Variants in FSTL4 observed in about 807,000 individuals in gnomAD.
FSTL4 encodes follistatin-related protein 4.
FSTL4 carries 28 observed loss-of-function variants against 78.2 expected under a neutral mutation model. The ratio of observed to expected loss-of-function variants is 0.36; its 90% CI spans 0.27 to 0.49. The LOEUF (loss-of-function observed/expected upper bound fraction) is 0.49. Ranked by LOEUF, FSTL4 falls within the 20% of genes least tolerant of loss-of-function variation. The pLI is 0.98. For synonymous variants in FSTL4, 422 were observed against 440.5 expected (o/e 0.96, Z 0.53); for missense variants, 922 against 1,084.9 (o/e 0.85, Z 2.11).
intron 7 of FSTL4, among the ~76,000 whole-genome samples, chr5:133,241,646 C>A (rs1246776817): frequency 1.3e-5 from 2 of 152,160 alleles, no homozygotes; most frequent in African/African-American, 4.8e-5. Flanking sequence ...GCTTTGGCTC[C>A]TTGGCTAATT....
the FSTL4 span, among the ~76,000 whole-genome samples, chr5:133,698,625 G>A: frequency 6.6e-6 from 1 of 152,262 alleles, no homozygotes; most frequent in Non-Finnish European, 1.5e-5. Flanking sequence ...TATTACAAGT[G>A]ATAATGCGTG....
At chr5:133,821,365 G>A in the FSTL4 span, among the ~76,000 whole-genome samples, 2 of 152,226 alleles carry the variant, frequency 1.3e-5, no homozygotes, top group African/African-American at 4.8e-5. Flanking sequence ...TAGCAGGAGG[G>A]AGAATGAAGA....
chr5:133,384,020 T>C (rs1554110006), intron 4 of FSTL4, among the ~76,000 whole-genome samples: 1 of 152,208 alleles, frequency 6.6e-6, no homozygotes, highest in Non-Finnish European at 1.5e-5. Flanking sequence ...TTGTTTAAAT[T>C]ATTAAGCTTT....
intron 3 of FSTL4, among the ~76,000 whole-genome samples, chr5:133,443,241 T>A (rs566386637): frequency 2.0e-5 from 3 of 152,236 alleles, no homozygotes; most frequent in African/African-American, 7.2e-5. Context: ...ATCATTCCTA[T>A]CTGAGATTTC....
intron 3 of FSTL4, among the ~76,000 whole-genome samples, chr5:133,565,844 AC>A (rs1172238528): frequency 6.6e-6 from 1 of 152,234 alleles, no homozygotes; most frequent in Non-Finnish European, 1.5e-5. Context: ...TCAATTCCAA[AC>A]ATTCACAGTC....
At chr5:133,627,151 C>CTTTT in the FSTL4 span, among the ~76,000 whole-genome samples, 137 of 92,990 alleles carry the variant, frequency 1.5e-3, no homozygotes, top group African/African-American at 2.2e-3. Flanking sequence ...CTCTGTGTCT[C>CTTTT]TTTTTTTTTT....
rs572393186 is a variant in FSTL4, at chr5:133,489,694, T to C, written c.160+77492A>G. Among the ~76,000 whole-genome samples the C allele has an allele frequency of 3.5e-4, 53 of 152,294 alleles. No homozygotes were observed. The South Asian group carries it at 8.9e-3, about 26-fold the overall frequency. The stretch of plus-strand genomic sequence containing the variant: ...GTCTGAGCAATGGATACATAGTATG[T>C]CACCCCCAAAATAGCCCCAGCTTCT... On this transcript the variant is annotated intron_variant, in intron 3 of 15. Transcript: ENST00000265342.
At chr5:133,832,734 G>T in the FSTL4 span, among the ~76,000 whole-genome samples, 3 of 152,174 alleles carry the variant, frequency 2.0e-5, no homozygotes, top group African/African-American at 7.2e-5. Context: ...ATTAGTGCCT[G>T]GTAGGTGGTT....
chr5:133,519,037 C>A (rs1055366569), intron 3 of FSTL4, among the ~76,000 whole-genome samples: 1 of 152,060 alleles, frequency 6.6e-6, no homozygotes, highest in African/African-American at 2.4e-5. Context: ...AAGTATGAGA[C>A]CTGAAGGGAA....
At chr5:133,626,876 T>G in the FSTL4 span, among the ~76,000 whole-genome samples, 1 of 152,166 alleles carries the variant, frequency 6.6e-6, no homozygotes, top group Non-Finnish European at 1.5e-5. Flanking sequence ...GGGTGGAGTA[T>G]TCTGCAACTA....
chr5:133,595,160 C>T (rs893311466), intron 2 of FSTL4, among the ~76,000 whole-genome samples: 1 of 152,216 alleles, frequency 6.6e-6, no homozygotes, highest in African/African-American at 2.4e-5. Context: ...CCAAGCAGGC[C>T]CTCAAAGCCA....
intron 6 of FSTL4, among the ~76,000 whole-genome samples, chr5:133,304,417 T>C (rs1753612845): frequency 6.6e-6 from 1 of 152,070 alleles, no homozygotes; most frequent in Admixed American, 6.5e-5. Context: ...CCAGGAATAA[T>C]GAAGGACAAG....
At chr5:133,729,724 A>G in the FSTL4 span, among the ~76,000 whole-genome samples, 1 of 152,186 alleles carries the variant, frequency 6.6e-6, no homozygotes, top group Non-Finnish European at 1.5e-5. Context: ...ATGAGGGAGA[A>G]GAGAAGAAGA....
At chr5:133,329,827 T>A (rs531527608) in intron 4 of FSTL4, among the ~76,000 whole-genome samples, 23 of 152,172 alleles carry the variant, frequency 1.5e-4, no homozygotes, top group Non-Finnish European at 3.2e-4. Flanking sequence ...TGGCATCTCA[T>A]CTGAATTTTT....
chr5:133,585,070 C>G (rs1760504868), intron 2 of FSTL4, among the ~76,000 whole-genome samples: 1 of 57,288 alleles, frequency 1.7e-5, no homozygotes, highest in African/African-American at 6.2e-5. Context: ...ACTTTATAGA[C>G]AAGCAAATGC....
chr5:133,571,410 G>A (rs755772385), intron 2 of FSTL4, among the ~76,000 whole-genome samples: 3 of 152,268 alleles, frequency 2.0e-5, no homozygotes, highest in Non-Finnish European at 2.9e-5. Context: ...AGCACGAAAT[G>A]GGATCGAATG....
chr5:133,803,613 A>G, the FSTL4 span, among the ~76,000 whole-genome samples: 1 of 152,174 alleles, frequency 6.6e-6, no homozygotes, highest in Non-Finnish European at 1.5e-5. Flanking sequence ...TGGCAGAAAC[A>G]TGGGGGCAGA....
the FSTL4 span, among the ~76,000 whole-genome samples, chr5:133,767,238 C>A: frequency 6.6e-6 from 1 of 152,204 alleles, no homozygotes; most frequent in East Asian, 1.9e-4. Context: ...TCTATAGCAA[C>A]TCCCATCAGT....
the FSTL4 span, among the ~76,000 whole-genome samples, chr5:133,787,420 A>T: frequency 7.4e-4 from 112 of 152,286 alleles, no homozygotes; most frequent in Non-Finnish European, 1.2e-3. Context: ...GGGCAGTCTG[A>T]TCCAAGTCTG....
Sources: gnomAD v4.1 joint callset for allele counts (sites outside exome capture counted in the v4.1 genomes callset) on GRCh38, gnomAD v4.1.1 for gene constraint, MANE v1.5 for transcripts, NCBI Gene and HGNC (gene_info 2026-07-23, HGNC 2026-07-21) for gene names.